Variants in KSR2 observed in about 807,000 individuals in gnomAD.
KSR2 encodes the protein kinase suppressor of ras 2.
A neutral mutation model predicts 107.8 loss-of-function variants in KSR2; 25 were observed. The observed-to-expected ratio is 0.23, with a 90% CI of 0.17 to 0.32. The LOEUF (loss-of-function observed/expected upper bound fraction) is 0.32, where lower values mean the gene tolerates loss of function less well. KSR2 is among the 10% of genes least tolerant of loss of function. The pLI is 1.00. For missense variants in KSR2, 887 were observed against 1,268.9 expected (o/e 0.70, Z 4.57); for synonymous variants, 480 against 507.0 (o/e 0.95, Z 0.71).
chr12:117,916,335 CTA>C, intron 1 of KSR2, among the ~76,000 whole-genome samples: 1 of 151,938 alleles, frequency 6.6e-6, no homozygotes, highest in Non-Finnish European at 1.5e-5. Context: ...CGGGGTTTCA[CTA>C]TGTTGGGCAG....
intron 4 of KSR2, among the ~76,000 whole-genome samples, chr12:117,680,177 T>A (rs1334136006): frequency 1.3e-5 from 2 of 152,196 alleles, no homozygotes; most frequent in East Asian, 1.9e-4. Context: ...TCCTGTTCAC[T>A]CCTCTCCCCA....
intron 5 of KSR2, among the ~76,000 whole-genome samples, chr12:117,650,686 G>A (rs1883867206): frequency 6.6e-6 from 1 of 152,212 alleles, no homozygotes; most frequent in Non-Finnish European, 1.5e-5. Flanking sequence ...GGAGTTTAGT[G>A]ACGCTATACA....
intron 3 of KSR2, among the ~76,000 whole-genome samples, chr12:117,798,528 GA>G (rs1371176210): frequency 6.6e-6 from 1 of 152,230 alleles, no homozygotes; most frequent in East Asian, 1.9e-4. Flanking sequence ...AGCTACTCAG[GA>G]GGCTGAGGCA....
chr12:117,497,640 G>A (rs1294205607), intron 14 of KSR2, among the ~76,000 whole-genome samples: 1 of 152,168 alleles, frequency 6.6e-6, no homozygotes, highest in Non-Finnish European at 1.5e-5. Context: ...GGCGCAATAA[G>A]TCAGCCTAGT....
chr12:117,949,978 T>C (rs1043274138), intron 1 of KSR2, among the ~76,000 whole-genome samples: 14 of 152,232 alleles, frequency 9.2e-5, no homozygotes, highest in African/African-American at 3.4e-4. Flanking sequence ...ATTTACTTTT[T>C]TTTTTTTTCT....
intron 1 of KSR2, among the ~76,000 whole-genome samples, chr12:117,895,769 G>A (rs1894490939): frequency 6.6e-6 from 1 of 152,170 alleles, no homozygotes; most frequent in African/African-American, 2.4e-5. Flanking sequence ...ATAAAAAGTT[G>A]TACATAAGGC....
At chr12:117,694,640 T>G (rs1488142329) in intron 4 of KSR2, among the ~76,000 whole-genome samples, 2 of 152,142 alleles carry the variant, frequency 1.3e-5, no homozygotes, top group Non-Finnish European at 2.9e-5. Context: ...AGCAGCATTA[T>G]TCACAATAGC....
intron 7 of KSR2, among the ~76,000 whole-genome samples, chr12:117,569,688 C>T (rs540928145): frequency 1.3e-5 from 2 of 152,300 alleles, no homozygotes; most frequent in South Asian, 4.1e-4. Context: ...TTGGGAATCT[C>T]AGTGCTAAAC....
chr12:117,506,360 C>T (rs1873678635), intron 14 of KSR2, among the ~76,000 whole-genome samples: 1 of 152,204 alleles, frequency 6.6e-6, no homozygotes, highest in African/African-American at 2.4e-5. Flanking sequence ...ACTCTTTTGG[C>T]AGCCTGAAAA....
Position 117,459,223 on chromosome 12 carries a change from C to T in KSR2, c.*7976G>A, listed in dbSNP as rs555143923. On this transcript the variant is annotated 3_prime_UTR_variant, in exon 20 of 20. Coordinates refer to ENST00000339824, the MANE Select transcript of KSR2 (RefSeq NM_173598.6). ...AGAGCGCTGATAGACTGTCCACCAACTACAGCCCAAATGGCTTGGCTTCTG... is the reference window on the plus strand; with the variant it reads ...AGAGCGCTGATAGACTGTCCACCAATTACAGCCCAAATGGCTTGGCTTCTG... 9 of 152,388 alleles carry T rather than the reference C, an allele frequency of 5.9e-5. No individual in the cohort carries two copies. The highest frequency in any genetic ancestry group is 1.9e-4 in the East Asian group (1 of 5,188). 9.4% of individuals were successfully genotyped at this position (152,388 alleles called of 1,614,324 possible). A position where few individuals can be genotyped will look rare whatever the true frequency, so the allele number is the denominator to read the frequency against.
chr12:117,616,363 TGA>T (rs1212368465), intron 5 of KSR2, among the ~76,000 whole-genome samples: 20 of 152,160 alleles, frequency 1.3e-4, no homozygotes, highest in Admixed American at 1.3e-3. Flanking sequence ...TTCACATATT[TGA>T]GAGTTTAAGT....
intron 9 of KSR2, among the ~76,000 whole-genome samples, chr12:117,547,670 G>A (rs1696706980): frequency 6.6e-6 from 1 of 152,154 alleles, no homozygotes; most frequent in Non-Finnish European, 1.5e-5. Context: ...AAGTTTTCTT[G>A]CTAAGCTGTC....
At chr12:117,577,400 C>T (rs816199) in intron 7 of KSR2, among the ~76,000 whole-genome samples, 34,026 of 151,860 alleles carry the variant, frequency 0.22, 4,474 homozygotes, top group East Asian at 0.37. Flanking sequence ...TAGCAAGGCA[C>T]TGCAATTTCT....
chr12:117,690,541 G>T (rs1268699060), intron 4 of KSR2, among the ~76,000 whole-genome samples: 2 of 151,988 alleles, frequency 1.3e-5, no homozygotes, highest in Non-Finnish European at 1.5e-5. Flanking sequence ...CTCCAGCCTG[G>T]GTGACAGAGG....
intron 3 of KSR2, among the ~76,000 whole-genome samples, chr12:117,840,214 C>T (rs1429359501): frequency 2.0e-5 from 3 of 151,860 alleles, no homozygotes; most frequent in Non-Finnish European, 4.4e-5. Context: ...TCTCCTGCCT[C>T]GACGCTCTGA....
Position 117,569,150 on chromosome 12 carries a change from AAAAAATTGGACATTTTT to A in KSR2, c.1325+9952_1325+9968del, listed in dbSNP as rs554575985. 1.8e-3 allele frequency among the ~76,000 whole-genome samples: 271 copies of A among 152,292 alleles called. 1 individual carries two copies. Among genetic ancestry groups the A allele is most frequent in the African/African-American group, 6.3e-3 (262 of 41,554 alleles). Reference sequence around the variant, plus strand: ...CACCTGTGGCTGCAGCGATTTTGCAAAAAAATTGGACATTTTTAGGTAAAATATATTTTGTTGCAAGA... The same window carrying A: ...CACCTGTGGCTGCAGCGATTTTGCAAAGGTAAAATATATTTTGTTGCAAGA... On this transcript the variant is annotated intron_variant, in intron 7 of 19. Coordinates refer to ENST00000339824, the MANE Select transcript of KSR2 (RefSeq NM_173598.6).
intron 1 of KSR2, among the ~76,000 whole-genome samples, chr12:117,948,292 A>G (rs1188188973): frequency 1.3e-5 from 2 of 152,094 alleles, no homozygotes; most frequent in Admixed American, 6.6e-5. Flanking sequence ...GTTCGAGACC[A>G]GCCTGGCCAA....
chr12:117,571,481 G>C (rs1050107509), intron 7 of KSR2, among the ~76,000 whole-genome samples: 1 of 152,140 alleles, frequency 6.6e-6, no homozygotes, highest in African/African-American at 2.4e-5. Flanking sequence ...CCTGGGGAAG[G>C]GGGAGGGGCT....
intron 7 of KSR2, among the ~76,000 whole-genome samples, chr12:117,559,102 G>A (rs1291314588): frequency 6.6e-6 from 1 of 152,124 alleles, no homozygotes; most frequent in African/African-American, 2.4e-5. Context: ...TAGGTAGATG[G>A]ATAGGTGGAT....
Sources: allele counts gnomAD v4.1 joint callset (sites outside exome capture counted in the v4.1 genomes callset), GRCh38; gene constraint gnomAD v4.1.1; transcripts MANE v1.5; gene names NCBI Gene and HGNC (gene_info 2026-07-23, HGNC 2026-07-21).